The following E2F3 variants were observed in gnomAD, a reference collection of about 807,000 sequenced individuals.
E2F3 encodes the protein E2F transcription factor 3, also known as transcription factor E2F3.
A neutral mutation model predicts 44.4 loss-of-function variants in E2F3; 11 were observed. The ratio of observed to expected loss-of-function variants is 0.25; its 90% CI spans 0.16 to 0.41. The LOEUF is 0.41. Among genes scored for constraint, E2F3 ranks in the 10% least tolerant of loss-of-function variants. The probability of loss-of-function intolerance (pLI) is 1.00; values close to 1 mark genes in which losing one functional copy is unlikely to be tolerated. For synonymous variants in E2F3, 249 were observed against 253.0 expected (o/e 0.98, Z 0.15); for missense variants, 487 against 583.6 (o/e 0.83, Z 1.70).
intron 1 of E2F3, 47 bp from the exon 2 acceptor site, chr6:20,479,799 T>C: frequency 6.5e-7 from 1 of 1,542,044 alleles, no homozygotes; most frequent in South Asian, 1.2e-5. Flanking sequence ...CCCTTCTTGT[T>C]CTTGTCCATA....
intron 1 of E2F3, among the ~76,000 whole-genome samples, chr6:20,416,210 A>G (rs937332237): frequency 2.0e-5 from 3 of 152,182 alleles, no homozygotes; most frequent in African/African-American, 4.8e-5. Context: ...CTTCCGTTTC[A>G]GGACAGTTCA....
At chr6:20,469,245 A>C (rs1761811884) in intron 1 of E2F3, among the ~76,000 whole-genome samples, 1 of 152,226 alleles carries the variant, frequency 6.6e-6, no homozygotes, top group Non-Finnish European at 1.5e-5. Flanking sequence ...ATTTAACCAA[A>C]ACTAATTATG....
At chr6:20,445,432 G>T (rs1760910978) in intron 1 of E2F3, among the ~76,000 whole-genome samples, 1 of 152,092 alleles carries the variant, frequency 6.6e-6, no homozygotes, top group African/African-American at 2.4e-5. Context: ...TAGAGACGGG[G>T]TTTCACCATG....
chr6:20,479,511 G>A (rs539115273), intron 1 of E2F3, among the ~76,000 whole-genome samples: 11 of 152,216 alleles, frequency 7.2e-5, no homozygotes, highest in Non-Finnish European at 1.5e-4. Context: ...GCCCCACGGC[G>A]CCTGTGATAT....
At chr6:20,421,905 AAGGGCCCT>A (rs1411033326) in intron 1 of E2F3, 1 of 152,172 alleles carries the variant, frequency 6.6e-6, no homozygotes, top group Non-Finnish European at 1.5e-5. Flanking sequence ...CATAGTTCTT[AAGGGCCCT>A]AGGGTTTTTG....
chr6:20,468,332 A>C (rs1475681439), intron 1 of E2F3, among the ~76,000 whole-genome samples: 3 of 152,200 alleles, frequency 2.0e-5, no homozygotes, highest in Non-Finnish European at 4.4e-5. Flanking sequence ...CCCATTCCTC[A>C]GATTCAGTTA....
chr6:20,408,675 C>A (rs561864212), intron 1 of E2F3, among the ~76,000 whole-genome samples: 4 of 152,152 alleles, frequency 2.6e-5, no homozygotes, highest in Non-Finnish European at 5.9e-5. Flanking sequence ...GTGATGCAGG[C>A]CCCCACTTAG....
intron 1 of E2F3, among the ~76,000 whole-genome samples, chr6:20,409,764 T>C (rs1208918667): frequency 2.6e-5 from 4 of 152,220 alleles, no homozygotes; most frequent in Admixed American, 2.6e-4. Flanking sequence ...AAAAATAGAA[T>C]TGCTTCAAGC....
At chr6:20,456,789 G>C (rs1475522178) in intron 1 of E2F3, among the ~76,000 whole-genome samples, 1 of 152,184 alleles carries the variant, frequency 6.6e-6, no homozygotes, top group African/African-American at 2.4e-5. Flanking sequence ...TTCTCACACA[G>C]TTAATTATTT....
Position 20,469,847 on chromosome 6 carries a change from G to C in E2F3, c.394-9999G>C, listed in dbSNP as rs796441526. On this transcript the variant is annotated intron_variant, in intron 1 of 6. Transcript: ENST00000346618. ...TTTGTGATTAGGCTTCTCACCCAGC[G>C]GCTCACAGAGGATGCTACTCTCATT... 2.5e-4 allele frequency among the ~76,000 whole-genome samples: 38 copies of C among 152,082 alleles called. 1 individual carries two copies. The highest frequency in any genetic ancestry group is 2.5e-3 in the Admixed American group (38 of 15,270).
chr6:20,405,651 C>A (rs760725716), intron 1 of E2F3, among the ~76,000 whole-genome samples: 3 of 152,002 alleles, frequency 2.0e-5, no homozygotes, highest in Admixed American at 2.0e-4. Context: ...GGTGAAACCC[C>A]GTCTCTACTA....
intron 1 of E2F3, chr6:20,403,910 T>A: frequency 1.1e-6 from 1 of 913,598 alleles, no homozygotes; most frequent in Non-Finnish European, 1.6e-6. Flanking sequence ...GCGGTGAGGG[T>A]AGGCGGTTGA....
At chr6:20,437,563 T>A (rs1760631808) in intron 1 of E2F3, among the ~76,000 whole-genome samples, 1 of 152,198 alleles carries the variant, frequency 6.6e-6, no homozygotes, top group African/African-American at 2.4e-5. Flanking sequence ...TCTAAAAATG[T>A]AGTGTTTATA....
chr6:20,490,051 T>G lies in E2F3; in HGVS notation c.1136-117T>G. ...GATCTGCATCATAAAGTCGTCTCAT[T>G]GTCATTATTTGCGGAAGGTACATGC... On this transcript the variant is annotated intron_variant, in intron 6 of 6. Coordinates refer to ENST00000346618, the MANE Select transcript of E2F3 (RefSeq NM_001949.5). The surrounding 1 kb of genome is among the most constrained non-coding windows in gnomAD (Gnocchi z 4.3). The G allele has an allele frequency of 8.6e-7, 1 of 1,164,260 alleles. No homozygotes were observed. The highest frequency in any genetic ancestry group is 1.2e-6 in the Non-Finnish European group (1 of 839,106). The allele number at this position is 1,164,260 out of a possible 1,614,324, so 72.1% of individuals were successfully genotyped here. A position where few individuals can be genotyped will look rare whatever the true frequency, so the allele number is the denominator to read the frequency against.
rs1177395534 is a variant in E2F3, at chr6:20,491,570, C to T, written c.*1140C>T. 1 of 207,266 alleles carries T rather than the reference C, an allele frequency of 4.8e-6. No homozygotes were observed. Among genetic ancestry groups the T allele is most frequent in the Non-Finnish European group, 9.9e-6 (1 of 101,248 alleles). The allele number at this position is 207,266 out of a possible 1,614,324, so 12.8% of individuals were successfully genotyped here. A position where few individuals can be genotyped will look rare whatever the true frequency, so the allele number is the denominator to read the frequency against. ...AGGCATGGGTCCCTCCATCCTTGGG[C>T]TTCCCGGGCCCCTGTGACAGGGGAA... On this transcript the variant is annotated 3_prime_UTR_variant, in exon 7 of 7. Coordinates refer to ENST00000346618, the MANE Select transcript of E2F3 (RefSeq NM_001949.5).
chr6:20,484,948 G>A (rs570580217), intron 4 of E2F3, among the ~76,000 whole-genome samples: 44 of 136,652 alleles, frequency 3.2e-4, no homozygotes, highest in Admixed American at 1.5e-3. Flanking sequence ...GTGGGAGTCC[G>A]TCTCAAAAAA....
chr6:20,447,557 C>T (rs1040607430), intron 1 of E2F3, among the ~76,000 whole-genome samples: 1 of 150,728 alleles, frequency 6.6e-6, no homozygotes, highest in African/African-American at 2.5e-5. Flanking sequence ...TTTTTTTAAA[C>T]AGTGATTTGC....
chr6:20,473,264 A>G (rs1165569855), intron 1 of E2F3, among the ~76,000 whole-genome samples: 1 of 152,226 alleles, frequency 6.6e-6, no homozygotes, highest in Non-Finnish European at 1.5e-5. Context: ...CTATTCAAAT[A>G]TTTTTACATG....
chr6:20,477,636 A>G (rs1762090402), intron 1 of E2F3, among the ~76,000 whole-genome samples: 1 of 152,176 alleles, frequency 6.6e-6, no homozygotes, highest in African/African-American at 2.4e-5. Context: ...CATCTTAGGT[A>G]TGCTCTGGAA....
Sources: gnomAD v4.1 joint callset for allele counts (sites outside exome capture counted in the v4.1 genomes callset) on GRCh38, gnomAD v4.1.1 for gene constraint, Gnocchi (gnomAD v3.1) non-coding constraint, MANE v1.5 for transcripts, NCBI Gene and HGNC (gene_info 2026-07-23, HGNC 2026-07-21) for gene names.